CLSTN2: variants seen among roughly 807,000 people sequenced by gnomAD.
CLSTN2 encodes the protein calsyntenin-2.
CLSTN2 carries 48 observed loss-of-function variants against 101.2 expected under a neutral mutation model. The observed-to-expected ratio is 0.47, with a 90% CI of 0.38 to 0.60. The LOEUF (loss-of-function observed/expected upper bound fraction) is 0.60, where lower values mean the gene tolerates loss of function less well. CLSTN2 is among the 20% of genes least tolerant of loss of function. The pLI is 0.00. For synonymous variants in CLSTN2, 481 were observed against 463.6 expected (o/e 1.04, Z -0.48); for missense variants, 1,160 against 1,238.2 (o/e 0.94, Z 0.95).
At chr3:140,476,843 T>A (rs1933997808) in intron 8 of CLSTN2, among the ~76,000 whole-genome samples, 1 of 152,024 alleles carries the variant, frequency 6.6e-6, no homozygotes, top group African/African-American at 2.4e-5. Flanking sequence ...GTATTTTTAG[T>A]ACAGATGGGA....
intron 1 of CLSTN2, among the ~76,000 whole-genome samples, chr3:139,957,392 C>T (rs1935426955): frequency 6.6e-6 from 1 of 152,180 alleles, no homozygotes; most frequent in Non-Finnish European, 1.5e-5. Context: ...CACTAACCTT[C>T]TCTATGTCAT....
chr3:140,244,734 T>A (rs1182465377), intron 2 of CLSTN2, among the ~76,000 whole-genome samples: 1 of 152,350 alleles, frequency 6.6e-6, no homozygotes, highest in African/African-American at 2.4e-5. Flanking sequence ...GATTCCCTTT[T>A]TATTTGTGTT....
chr3:140,392,518 AGT>A (rs2088127173), intron 2 of CLSTN2, among the ~76,000 whole-genome samples: 2 of 152,266 alleles, frequency 1.3e-5, no homozygotes, highest in East Asian at 3.9e-4. Flanking sequence ...AACTAAATTG[AGT>A]GTGTTATTAA....
At chr3:140,526,965 C>T (rs1336583472) in intron 8 of CLSTN2, among the ~76,000 whole-genome samples, 2 of 152,108 alleles carry the variant, frequency 1.3e-5, no homozygotes, top group Non-Finnish European at 2.9e-5. Context: ...AAATATAAAA[C>T]CCCAATTATA....
intron 1 of CLSTN2, among the ~76,000 whole-genome samples, chr3:140,097,409 A>T (rs1485197409): frequency 6.6e-6 from 1 of 152,144 alleles, no homozygotes; most frequent in South Asian, 2.1e-4. Context: ...CTTTCAGCCT[A>T]CCATTTTTCT....
At chr3:140,011,803 G>A (rs756912950) in intron 1 of CLSTN2, among the ~76,000 whole-genome samples, 4 of 152,130 alleles carry the variant, frequency 2.6e-5, no homozygotes, top group Non-Finnish European at 5.9e-5. Flanking sequence ...CAGGGGTCGG[G>A]GGGGATTGAA....
intron 1 of CLSTN2, among the ~76,000 whole-genome samples, chr3:140,093,210 C>T (rs567569844): frequency 1.3e-5 from 2 of 152,260 alleles, no homozygotes; most frequent in Admixed American, 1.3e-4. Flanking sequence ...GCTCTGGTTG[C>T]TCCCTGAGCC....
At chr3:140,490,163 T>A (rs1440184358) in intron 8 of CLSTN2, among the ~76,000 whole-genome samples, 1 of 125,864 alleles carries the variant, frequency 7.9e-6, no homozygotes, top group Non-Finnish European at 1.7e-5. Flanking sequence ...CACACACACA[T>A]ATATACAGCC....
intron 2 of CLSTN2, among the ~76,000 whole-genome samples, chr3:140,239,996 T>C (rs2086446469): frequency 6.7e-6 from 1 of 150,316 alleles, no homozygotes; most frequent in Non-Finnish European, 1.5e-5. Context: ...TTGTAGGATA[T>C]CATTGCAGAG....
chr3:140,156,268 G>C (rs1017103270), intron 1 of CLSTN2, among the ~76,000 whole-genome samples: 12 of 152,156 alleles, frequency 7.9e-5, no homozygotes, highest in African/African-American at 2.7e-4. Context: ...AGGAGGACAG[G>C]CTCTGTTCAC....
chr3:140,305,833 T>C (rs756962958), intron 2 of CLSTN2, among the ~76,000 whole-genome samples: 55 of 152,136 alleles, frequency 3.6e-4, no homozygotes, highest in South Asian at 6.3e-4. Context: ...TTTTTCAAAG[T>C]GCACAAAATG....
chr3:140,398,235 A>G (rs1465029276), intron 2 of CLSTN2, among the ~76,000 whole-genome samples: 1 of 152,200 alleles, frequency 6.6e-6, no homozygotes, highest in Non-Finnish European at 1.5e-5. Context: ...TTGCCATGCC[A>G]AGGTGTTTAA....
At chr3:140,205,011 A>T (rs916101629) in intron 2 of CLSTN2, among the ~76,000 whole-genome samples, 9 of 152,094 alleles carry the variant, frequency 5.9e-5, no homozygotes, top group East Asian at 1.9e-4. Flanking sequence ...AGGAGGGGTG[A>T]GGGGAGGTGG....
At chr3:139,993,909 T>A (rs1028628014) in intron 1 of CLSTN2, among the ~76,000 whole-genome samples, 1 of 152,200 alleles carries the variant, frequency 6.6e-6, no homozygotes, top group Non-Finnish European at 1.5e-5. Context: ...TTGTGACTGA[T>A]ACAATGAATC....
intron 1 of CLSTN2, among the ~76,000 whole-genome samples, chr3:140,090,431 G>T (rs2008758572): frequency 6.6e-6 from 1 of 152,018 alleles, no homozygotes; most frequent in African/African-American, 2.4e-5. Context: ...GAGCCACCAT[G>T]CCTGGCCTTT....
intron 1 of CLSTN2, among the ~76,000 whole-genome samples, chr3:140,125,385 A>G (rs1263221454): frequency 6.6e-6 from 1 of 152,136 alleles, no homozygotes; most frequent in East Asian, 1.9e-4. Context: ...CAAGGGACAC[A>G]TCTAGGACAC....
chr3:140,254,430 C>G (rs755949299), intron 2 of CLSTN2, among the ~76,000 whole-genome samples: 1 of 152,106 alleles, frequency 6.6e-6, no homozygotes, highest in Non-Finnish European at 1.5e-5. Flanking sequence ...TTATGGGAAG[C>G]AGAACCATGT....
intron 9 of CLSTN2, among the ~76,000 whole-genome samples, chr3:140,545,420 C>A (rs1234492974): frequency 6.6e-6 from 1 of 152,102 alleles, no homozygotes; most frequent in African/African-American, 2.4e-5. Flanking sequence ...AACCTGGAGG[C>A]AAAACCCAGA....
At chr3:139,963,175 T>C (rs368190853) in intron 1 of CLSTN2, among the ~76,000 whole-genome samples, 4 of 152,270 alleles carry the variant, frequency 2.6e-5, no homozygotes, top group African/African-American at 9.6e-5. Flanking sequence ...AGGGACACTC[T>C]GTGCACACAA....
Sources: allele counts gnomAD v4.1 joint callset (sites outside exome capture counted in the v4.1 genomes callset), GRCh38; gene constraint gnomAD v4.1.1; transcripts MANE v1.5; gene names NCBI Gene and HGNC (gene_info 2026-07-23, HGNC 2026-07-21).